AGBL4: variants seen among roughly 807,000 people sequenced by gnomAD.
AGBL4 encodes AGBL carboxypeptidase 4, also known as cytosolic carboxypeptidase 6.
Under a neutral mutation model 66.4 loss-of-function variants are expected in AGBL4, and 58 were observed. The ratio of observed to expected loss-of-function variants is 0.87; its 90% CI spans 0.71 to 1.09. The LOEUF (loss-of-function observed/expected upper bound fraction) is 1.09. Among genes scored for constraint, AGBL4 ranks in the 50% least tolerant of loss-of-function variants. The pLI is 0.00. For synonymous variants in AGBL4, 234 were observed against 222.9 expected (o/e 1.05, Z -0.44); for missense variants, 579 against 631.0 (o/e 0.92, Z 0.88).
rs915056232 is a variant in AGBL4 at position 49,303,637 on chromosome 1, C to A, written c.283-57773G>T. ...CAGGCTAATTTTTCTTTTTCTTCTT[C>A]TTTTTTTTTCTTTTTTTCAGTAGAG... On this transcript the variant is annotated intron_variant, in intron 3 of 13. Transcript: ENST00000371839. 3.3e-5 allele frequency among the ~76,000 whole-genome samples: 5 copies of A among 150,392 alleles called. No homozygotes were observed. In the Admixed American group the frequency reaches 3.3e-4, roughly 10 times the overall value.
chr1:49,735,088 A>T (rs1386964823), intron 2 of AGBL4, among the ~76,000 whole-genome samples: 1 of 152,134 alleles, frequency 6.6e-6, no homozygotes, highest in Non-Finnish European at 1.5e-5. Context: ...AATTATTATT[A>T]TACCCATATT....
chr1:48,608,052 A>C (rs1645179306), intron 9 of AGBL4, among the ~76,000 whole-genome samples: 1 of 152,216 alleles, frequency 6.6e-6, no homozygotes. Context: ...GGGGCATTTC[A>C]GAAGACAAGG....
At chr1:49,227,717 C>T (rs960188958) in intron 4 of AGBL4, among the ~76,000 whole-genome samples, 3 of 152,158 alleles carry the variant, frequency 2.0e-5, no homozygotes, top group African/African-American at 4.8e-5. Context: ...AATTTTAATA[C>T]AATATCAATA....
intron 3 of AGBL4, among the ~76,000 whole-genome samples, chr1:49,600,819 T>A (rs1367667332): frequency 2.0e-5 from 3 of 152,208 alleles, no homozygotes; most frequent in Non-Finnish European, 4.4e-5. Flanking sequence ...TGACAAAATC[T>A]CTCAGCATTT....
intron 1 of AGBL4, among the ~76,000 whole-genome samples, chr1:49,870,712 T>C (rs1646817710): frequency 6.6e-6 from 1 of 151,958 alleles, no homozygotes; most frequent in Admixed American, 6.6e-5. Flanking sequence ...TATATACAAA[T>C]AGTTGCTAAG....
intron 6 of AGBL4, among the ~76,000 whole-genome samples, chr1:48,720,230 A>G (rs1647123030): frequency 6.6e-6 from 1 of 152,164 alleles, no homozygotes; most frequent in African/African-American, 2.4e-5. Flanking sequence ...CAATGATGGG[A>G]CAGCTTGATG....
chr1:49,973,472 G>C (rs1015627897), intron 1 of AGBL4, among the ~76,000 whole-genome samples: 1 of 151,820 alleles, frequency 6.6e-6, no homozygotes, highest in Non-Finnish European at 1.5e-5. Context: ...CATAATTGCA[G>C]AAAAATTCTT....
chr1:49,767,450 G>A (rs1643917271), intron 2 of AGBL4, among the ~76,000 whole-genome samples: 1 of 152,016 alleles, frequency 6.6e-6, no homozygotes, highest in South Asian at 2.1e-4. Context: ...CTGAAATGTG[G>A]TGAAAGCAGT....
intron 3 of AGBL4, among the ~76,000 whole-genome samples, chr1:49,246,343 G>A (rs915114875): frequency 4.6e-5 from 7 of 151,906 alleles, no homozygotes; most frequent in African/African-American, 1.7e-4. Context: ...ATCAGGGTAA[G>A]AGTAGTACAT....
chr1:49,329,742 A>C (rs1645295935), intron 3 of AGBL4, among the ~76,000 whole-genome samples: 3 of 151,648 alleles, frequency 2.0e-5, no homozygotes, highest in African/African-American at 7.3e-5. Context: ...AAATTCTATT[A>C]ATCTTTCAAG....
intron 4 of AGBL4, among the ~76,000 whole-genome samples, chr1:49,225,284 T>C (rs939578874): frequency 4.6e-5 from 7 of 152,216 alleles, no homozygotes; most frequent in Non-Finnish European, 1.0e-4. Context: ...TATATCAACA[T>C]AGAAAATATC....
At chr1:48,995,718 A>ATT (rs1557539575) in intron 5 of AGBL4, among the ~76,000 whole-genome samples, 4 of 152,204 alleles carry the variant, frequency 2.6e-5, no homozygotes, top group Non-Finnish European at 5.9e-5. Context: ...TGAGCTTGCC[A>ATT]TCTTTGGGTG....
rs769812923 is a variant in AGBL4, at chr1:49,077,919, TTTA to T, written c.378-32122_378-32120del. Among the ~76,000 whole-genome samples the T allele has an allele frequency of 3.6e-4, 55 of 152,296 alleles. No individual in the cohort carries two copies. The Middle Eastern group carries it at 0.01, about 28-fold the overall frequency. The stretch of plus-strand genomic sequence containing the variant: ...ATAATGTTAATATTAACAGTCAGCA[TTTA>T]TTAAGGGCTTACTATATAACAGGCA... On this transcript the variant is annotated intron_variant, in intron 4 of 13. Coordinates refer to ENST00000371839, the MANE Select transcript of AGBL4 (RefSeq NM_032785.4).
chr1:49,680,054 T>C (rs1479661427), intron 3 of AGBL4, among the ~76,000 whole-genome samples: 95 of 146,472 alleles, frequency 6.5e-4, no homozygotes, highest in African/African-American at 1.8e-3. Context: ...CTTCCCTTTT[T>C]TTTTTTTTTT....
chr1:49,045,760 G>A lies in AGBL4; in HGVS notation c.418C>T (p.Pro140Ser). ...PPKNVYYYRC[P>S]DHRKNYVMSF... ...ATCACATAGTTCTTCCTATGGTCCG[G>A]GCAGCGGTAGTAGTAAACATTTTTG... The change falls in exon 5 of 14, where the codon CCG becomes TCG. Residue 140 changes from proline to serine, a missense_variant. Physicochemically the swap from Pro to Ser is moderately conservative, Grantham distance 74. Transcript: ENST00000371839. 6.4e-7 allele frequency: 1 copy of A among 1,551,638 alleles called. No individual in the cohort carries two copies. The highest frequency in any genetic ancestry group is 2.0e-5 in the Admixed American group (1 of 51,004).
At chr1:48,565,738 A>G (rs750446841) in intron 11 of AGBL4, among the ~76,000 whole-genome samples, 4 of 152,196 alleles carry the variant, frequency 2.6e-5, no homozygotes, top group Non-Finnish European at 5.9e-5. Context: ...TCAGTGTCTC[A>G]TAAGTTAAAT....
rs1570994072 is a variant in AGBL4, at chr1:48,916,707, G to A, written c.595-49477C>T. Reference sequence around the variant, plus strand: ...ATCAGGGCATTTGTGACAGGTTTTGGTCATGTTCTGTAACCTCCACCAGGG... The same window carrying A: ...ATCAGGGCATTTGTGACAGGTTTTGATCATGTTCTGTAACCTCCACCAGGG... On this transcript the variant is annotated intron_variant, in intron 5 of 13. Transcript: ENST00000371839. Among the ~76,000 whole-genome samples the A allele has an allele frequency of 2.6e-5, 4 of 152,194 alleles. 1 individual carries two copies. In the South Asian group the frequency reaches 8.3e-4, roughly 32 times the overall value.
intron 3 of AGBL4, among the ~76,000 whole-genome samples, chr1:49,260,885 T>G (rs1025880473): frequency 1.3e-5 from 2 of 150,408 alleles, no homozygotes; most frequent in African/African-American, 4.9e-5. Flanking sequence ...ATATCCTTGA[T>G]GAACATTGAT....
chr1:49,948,002 A>ATT (rs1655456536), intron 1 of AGBL4, among the ~76,000 whole-genome samples: 1 of 90,820 alleles, frequency 1.1e-5, no homozygotes, highest in East Asian at 3.0e-4. Flanking sequence ...ATATATAAAT[A>ATT]TATATAAATA....
Sources: gnomAD v4.1 joint callset for allele counts (sites outside exome capture counted in the v4.1 genomes callset) on GRCh38, gnomAD v4.1.1 for gene constraint, MANE v1.5 for transcripts, NCBI Gene and HGNC (gene_info 2026-07-23, HGNC 2026-07-21) for gene names.